The following CHMP3 variants were observed in gnomAD, a reference collection of about 807,000 sequenced individuals.
CHMP3 encodes 25.1 protein.
CHMP3 carries 8 observed loss-of-function variants against 27.4 expected under a neutral mutation model. That is an observed-to-expected ratio of 0.29 (90% CI 0.17 to 0.53). CHMP3 has a LOEUF of 0.53. Ranked by LOEUF, CHMP3 falls within the 20% of genes least tolerant of loss-of-function variation. The probability of loss-of-function intolerance (pLI) is 0.96; values close to 1 mark genes in which losing one functional copy is unlikely to be tolerated. For synonymous variants in CHMP3, 86 were observed against 85.5 expected, an observed-to-expected ratio of 1.01 and a Z score of -0.03; for missense variants, 208 against 271.5, an observed-to-expected ratio of 0.77 and a Z score of 1.64.
At chr2:86,550,042 G>T (rs1676836591) in intron 1 of CHMP3, among the ~76,000 whole-genome samples, 1 of 152,240 alleles carries the variant, frequency 6.6e-6, no homozygotes, top group Non-Finnish European at 1.5e-5. Flanking sequence ...GAAGGTGGAG[G>T]TTGCAGCGAG....
intron 2 of CHMP3, chr2:86,541,299 C>T (rs946390844): frequency 1.3e-5 from 2 of 152,056 alleles, no homozygotes; most frequent in African/African-American, 4.8e-5. Flanking sequence ...TGTTCTTTGC[C>T]CAGTCTCTTG....
chr2:86,548,342 G>A (rs76462023), intron 1 of CHMP3, among the ~76,000 whole-genome samples: 2 of 152,106 alleles, frequency 1.3e-5, no homozygotes, highest in Admixed American at 1.3e-4. Flanking sequence ...GCGGCCTTCC[G>A]CAGTATTTGT....
intron 5 of CHMP3, 161 bp downstream of exon 5, chr2:86,507,318 T>C (rs1331594328): frequency 2.6e-5 from 16 of 618,614 alleles, no homozygotes; most frequent in Non-Finnish European, 4.2e-5. Flanking sequence ...AAGATGGTTA[T>C]AGATATTGTG....
chr2:86,547,226 C>T (rs1290608393), intron 1 of CHMP3, among the ~76,000 whole-genome samples: 1 of 152,138 alleles, frequency 6.6e-6, no homozygotes, highest in African/African-American at 2.4e-5. Context: ...TTGCATAATG[C>T]CTGGCACAAA....
At chr2:86,512,024 C>T (rs181304258) in intron 3 of CHMP3, 10 of 152,268 alleles carry the variant, frequency 6.6e-5, no homozygotes, top group African/African-American at 2.4e-4. Flanking sequence ...CAAAAACACT[C>T]AAGTTGATAA....
intron 2 of CHMP3, among the ~76,000 whole-genome samples, chr2:86,539,242 G>A (rs192928258): frequency 3.3e-5 from 5 of 152,090 alleles, no homozygotes; most frequent in Non-Finnish European, 7.4e-5. Flanking sequence ...CTTTATCAAA[G>A]TGCCCCATCC....
intron 1 of CHMP3, among the ~76,000 whole-genome samples, chr2:86,546,252 C>T (rs1264710117): frequency 6.6e-6 from 1 of 151,488 alleles, no homozygotes; most frequent in Non-Finnish European, 1.5e-5. Context: ...CAATCCTAGG[C>T]ACTCGGCAGG....
intron 3 of CHMP3, chr2:86,511,061 T>C (rs1675088558): frequency 6.6e-6 from 1 of 152,260 alleles, no homozygotes; most frequent in Admixed American, 6.5e-5. Flanking sequence ...TTATAAGAAA[T>C]CACGGTAGTA....
intron 3 of CHMP3, among the ~76,000 whole-genome samples, chr2:86,526,546 A>T (rs954883253): frequency 6.6e-6 from 1 of 152,232 alleles, no homozygotes; most frequent in African/African-American, 2.4e-5. Flanking sequence ...CTAAACCTTT[A>T]CACACAGCAA....
At chr2:86,529,449 A>T in intron 2 of CHMP3, 52 bp from the exon 3 acceptor site, 2 of 1,487,804 alleles carry the variant, frequency 1.3e-6, no homozygotes. Context: ...GTTTATTGGC[A>T]CTCAAATACA....
intron 1 of CHMP3, among the ~76,000 whole-genome samples, chr2:86,559,306 C>G (rs1168740759): frequency 6.6e-6 from 1 of 152,260 alleles, no homozygotes; most frequent in African/African-American, 2.4e-5. Flanking sequence ...CCCCAACTCA[C>G]TAGGTTCTCC....
Position 86,542,232 on chromosome 2 carries a change from G to T in CHMP3, c.106+20C>A, listed in dbSNP as rs770180230. On this transcript the variant is annotated intron_variant, in intron 2 of 5. Transcript: ENST00000263856. ...TATACCAAGAGGGTGAAAAATAGAA[G>T]ACATAAAATGATAACTTACCCCTTA... 6.2e-7 allele frequency: 1 copy of T among 1,611,266 alleles called. No individual in the cohort carries two copies. The highest frequency in any genetic ancestry group is 8.5e-7 in the Non-Finnish European group (1 of 1,178,204).
intron 3 of CHMP3, among the ~76,000 whole-genome samples, chr2:86,516,161 A>G (rs965781641): frequency 1.7e-4 from 25 of 151,414 alleles, no homozygotes; most frequent in African/African-American, 5.8e-4. Flanking sequence ...AAAAAAAAAA[A>G]AAAGAAAAAA....
chr2:86,509,515 G>A (rs1675017310), intron 4 of CHMP3, among the ~76,000 whole-genome samples: 1 of 152,164 alleles, frequency 6.6e-6, no homozygotes, highest in African/African-American at 2.4e-5. Flanking sequence ...GAGGAAGGGA[G>A]GTGATTTCTA....
chr2:86,548,771 G>C (rs1036259478), intron 1 of CHMP3, among the ~76,000 whole-genome samples: 1 of 151,396 alleles, frequency 6.6e-6, no homozygotes, highest in Admixed American at 6.6e-5. Context: ...TCCCAGACGG[G>C]GCAGCCGGGC....
rs781399179 is a variant in CHMP3, at chr2:86,504,410, T to G, written c.*1394A>C. The G allele has an allele frequency of 1.3e-4, 19 of 151,718 alleles. No homozygotes were observed. The highest frequency in any genetic ancestry group is 1.2e-3 in the Admixed American group (18 of 15,230). 9.4% of individuals were successfully genotyped at this position (151,718 alleles called of 1,614,324 possible). On this transcript the variant is annotated 3_prime_UTR_variant, in exon 6 of 6. Transcript: ENST00000263856. ...TTTTGCTGTGAACCTACAACTGATT[T>G]AAAAAAATAATTATTTAAAATAATT...
At chr2:86,510,176 C>A (rs534609015) in intron 4 of CHMP3, among the ~76,000 whole-genome samples, 182 bp downstream of exon 4, 1 of 152,306 alleles carries the variant, frequency 6.6e-6, no homozygotes, top group South Asian at 2.1e-4. Context: ...GGCAATCTGA[C>A]CCAGCCTCTG....
chr2:86,554,332 T>C (rs1677030514), intron 1 of CHMP3, among the ~76,000 whole-genome samples: 1 of 152,178 alleles, frequency 6.6e-6, no homozygotes, highest in Non-Finnish European at 1.5e-5. Flanking sequence ...ATTTTCATAA[T>C]AAAACTTTAA....
chr2:86,537,989 T>G (rs752373443), intron 2 of CHMP3, among the ~76,000 whole-genome samples: 6 of 152,172 alleles, frequency 3.9e-5, no homozygotes, highest in African/African-American at 4.8e-5. Context: ...GCAGCATTAT[T>G]CACAATAGCC....
Sources: allele counts gnomAD v4.1 joint callset (sites outside exome capture counted in the v4.1 genomes callset), GRCh38; gene constraint gnomAD v4.1.1; transcripts MANE v1.5; gene names NCBI Gene and HGNC (gene_info 2026-07-23, HGNC 2026-07-21).